Variants in DOCK4 observed in about 807,000 individuals in gnomAD.
DOCK4 encodes dedicator of cytokinesis protein 4.
In DOCK4, 97 loss-of-function variants were observed where a neutral mutation model predicts 268.1. That is an observed-to-expected ratio of 0.36 (90% CI 0.31 to 0.43). DOCK4 has a LOEUF of 0.43. DOCK4 is among the 20% of genes least tolerant of loss of function. The pLI, the probability that DOCK4 is intolerant of heterozygous loss-of-function variation, is 1.00. For synonymous variants in DOCK4, 954 were observed against 887.2 expected, an observed-to-expected ratio of 1.08 and a Z score of -1.34; for missense variants, 2,145 against 2,455.7, an observed-to-expected ratio of 0.87 and a Z score of 2.67.
chr7:112,034,891 A>G (rs1259453989), intron 1 of DOCK4, among the ~76,000 whole-genome samples: 2 of 152,146 alleles, frequency 1.3e-5, no homozygotes, highest in African/African-American at 2.4e-5. Context: ...GACAGAAAAA[A>G]TGACTCAGTC....
intron 4 of DOCK4, among the ~76,000 whole-genome samples, chr7:111,997,499 TA>T (rs1415821721): frequency 1.3e-5 from 2 of 152,226 alleles, no homozygotes; most frequent in Admixed American, 6.5e-5. Flanking sequence ...GCCACATGCA[TA>T]GGCTGTTTCC....
At chr7:111,869,680 G>C in intron 20 of DOCK4, 25 bp from the exon 21 acceptor site, 1 of 1,603,230 alleles carries the variant, frequency 6.2e-7, no homozygotes, top group South Asian at 1.1e-5. Context: ...AAAATGTGCA[G>C]AATGTAAAAT....
chr7:111,851,933 G>A (rs1301643886), intron 23 of DOCK4, among the ~76,000 whole-genome samples: 1 of 147,830 alleles, frequency 6.8e-6, no homozygotes, highest in East Asian at 2.0e-4. Context: ...CTGTGAAAGT[G>A]CCTCTCTCTC....
At chr7:112,113,282 T>C (rs1409085633) in intron 1 of DOCK4, among the ~76,000 whole-genome samples, 1 of 152,070 alleles carries the variant, frequency 6.6e-6, no homozygotes, top group African/African-American at 2.4e-5. Context: ...ACAGAAGAAC[T>C]AGGACCCTGG....
intron 25 of DOCK4, among the ~76,000 whole-genome samples, chr7:111,839,878 C>T (rs1160269861): frequency 2.0e-5 from 3 of 152,206 alleles, no homozygotes; most frequent in African/African-American, 7.2e-5. Context: ...TATTTGGTTA[C>T]ATGAGTAAGT....
At chr7:112,187,359 T>C (rs1440657534) in intron 1 of DOCK4, among the ~76,000 whole-genome samples, 4 of 152,174 alleles carry the variant, frequency 2.6e-5, no homozygotes, top group Admixed American at 2.6e-4. Flanking sequence ...CTCCATCAAT[T>C]GTCTACATGC....
intron 8 of DOCK4, among the ~76,000 whole-genome samples, chr7:111,955,340 G>A (rs1796375174): frequency 6.6e-6 from 1 of 152,206 alleles, no homozygotes; most frequent in African/African-American, 2.4e-5. Flanking sequence ...TTAAAGAGGA[G>A]ATAGATGATG....
At chr7:111,941,782 C>A (rs1795215110) in intron 10 of DOCK4, among the ~76,000 whole-genome samples, 1 of 151,808 alleles carries the variant, frequency 6.6e-6, no homozygotes, top group Non-Finnish European at 1.5e-5. Context: ...TAAAGCTGCA[C>A]TAAAGAAAAA....
In DOCK4 at chr7:111,834,657, T is replaced by C. The variant is rs1390594531; in HGVS notation, c.2766A>G (p.Leu922=). The change falls in exon 26 of 53, where the codon CTA becomes CTG. Residue 922 remains leucine (L), a synonymous_variant. Coordinates refer to ENST00000428084, the MANE Select transcript of DOCK4 (RefSeq NM_001363540.2). ...AATGTCTATCTGTCATTTGTCGTAA[T>C]AGGGACAGGAGACAAGCAACAAACT... ...TGEFVACLLS[L]LRQMTDRHYQ... is the part of the protein sequence containing the mutation. 11 of 1,549,010 alleles carry C rather than the reference T, an allele frequency of 7.1e-6. No individual in the cohort carries two copies. Among genetic ancestry groups the C allele is most frequent in the Non-Finnish European group, 9.6e-6 (11 of 1,147,110 alleles).
intron 1 of DOCK4, among the ~76,000 whole-genome samples, chr7:112,090,510 A>T (rs754813164): frequency 2.0e-5 from 3 of 152,226 alleles, no homozygotes; most frequent in Non-Finnish European, 4.4e-5. Flanking sequence ...AGTCATCTGC[A>T]TATGTAAGTA....
chr7:111,901,886 T>TTGTATAA, intron 13 of DOCK4, 85 bp from the exon 14 acceptor site: 1 of 978,244 alleles, frequency 1.0e-6, no homozygotes, highest in Non-Finnish European at 1.5e-6. Flanking sequence ...CTTTAGTTTA[T>TTGTATAA]ACAATATACT....
chr7:111,769,796 A>G (rs1798005299), intron 36 of DOCK4, 119 bp from the exon 37 acceptor site: 1 of 1,238,086 alleles, frequency 8.1e-7, no homozygotes, highest in African/African-American at 1.5e-5. Context: ...TTCGTGATAT[A>G]GCAGAAAAAT....
intron 1 of DOCK4, among the ~76,000 whole-genome samples, chr7:112,139,649 C>T (rs2116251504): frequency 6.6e-6 from 1 of 152,244 alleles, no homozygotes; most frequent in East Asian, 1.9e-4. Context: ...ATAGTAAGTG[C>T]TTTACAGATT....
rs189184861 is a variant in DOCK4 at position 111,833,203 on chromosome 7, G to A, written c.2835+1385C>T. Among the ~76,000 whole-genome samples the A allele has an allele frequency of 2.9e-3, 436 of 152,224 alleles. 3 individuals are homozygous for A. Among genetic ancestry groups the A allele is most frequent in the African/African-American group, 9.9e-3 (413 of 41,548 alleles). On this transcript the variant is annotated intron_variant, in intron 26 of 52. Transcript: ENST00000428084. ...CATTATGGGTTTTTGTACTCAGAGTGGGTAAGTCCTAAGGCCTTTTATCCA... is the reference window on the plus strand; with the variant it reads ...CATTATGGGTTTTTGTACTCAGAGTAGGTAAGTCCTAAGGCCTTTTATCCA...
intron 41 of DOCK4, among the ~76,000 whole-genome samples, chr7:111,757,640 C>T (rs921877389): frequency 3.3e-5 from 5 of 152,102 alleles, no homozygotes; most frequent in African/African-American, 1.2e-4. Context: ...TTTATTCAAT[C>T]CTGTCATAAC....
At chr7:111,989,857 A>G (rs1315437437) in intron 5 of DOCK4, among the ~76,000 whole-genome samples, 1 of 152,216 alleles carries the variant, frequency 6.6e-6, no homozygotes, top group Non-Finnish European at 1.5e-5. Flanking sequence ...TACAGACTTT[A>G]AGTACCAATT....
intron 16 of DOCK4, among the ~76,000 whole-genome samples, chr7:111,887,956 G>A (rs1328088193): frequency 2.6e-5 from 4 of 151,954 alleles, no homozygotes; most frequent in Non-Finnish European, 4.4e-5. Flanking sequence ...GAGACAGGAA[G>A]CCGGAAGGAA....
intron 1 of DOCK4, among the ~76,000 whole-genome samples, chr7:112,029,418 T>C (rs546726190): frequency 3.1e-4 from 47 of 152,192 alleles, no homozygotes; most frequent in African/African-American, 8.9e-4. Flanking sequence ...TGTATAAAAA[T>C]GAAAATCCTA....
chr7:112,172,064 C>A (rs1236603972), intron 1 of DOCK4, among the ~76,000 whole-genome samples: 1 of 152,170 alleles, frequency 6.6e-6, no homozygotes, highest in Admixed American at 6.5e-5. Flanking sequence ...TTAACTTAAC[C>A]ACCTATTTAA....
Sources: gnomAD v4.1 joint callset for allele counts (sites outside exome capture counted in the v4.1 genomes callset) on GRCh38, gnomAD v4.1.1 for gene constraint, MANE v1.5 for transcripts, NCBI Gene and HGNC (gene_info 2026-07-23, HGNC 2026-07-21) for gene names.